Variants in H2BK1 observed in about 807,000 individuals in gnomAD.
H2BK1 encodes the protein H2B.K variant histone 1, also known as histone H2B type 2-K1.
chr7:151,209,848 CATA>C, the H2BK1 span, among the ~76,000 whole-genome samples: 5 of 152,326 alleles, frequency 3.3e-5, no homozygotes, highest in East Asian at 1.9e-4. Context: ...CACTTTGTAT[CATA>C]ATGTGTTTGG....
At chr7:151,210,022 G>C in the H2BK1 span, among the ~76,000 whole-genome samples, 4 of 152,178 alleles carry the variant, frequency 2.6e-5, no homozygotes, top group Admixed American at 2.6e-4. Flanking sequence ...CCTGAGAGAG[G>C]TGGAGACCTC....
At chr7:151,209,829 T>C in the H2BK1 span, among the ~76,000 whole-genome samples, 3 of 152,232 alleles carry the variant, frequency 2.0e-5, no homozygotes, top group African/African-American at 7.2e-5. Flanking sequence ...CTCTTCTCGG[T>C]CACCAACACA....
chr7:151,210,438 G>A, the H2BK1 span: 1 of 394,038 alleles, frequency 2.5e-6, no homozygotes, highest in Non-Finnish European at 4.5e-6. Context: ...GCAGGTGGGA[G>A]GTAAGGGGCG....
chr7:151,208,078 C>G, the H2BK1 span: 3 of 1,614,070 alleles, frequency 1.9e-6, no homozygotes, highest in Non-Finnish European at 2.5e-6. Context: ...TGCTCATGGC[C>G]TTGGCAGAGA....
At chr7:151,208,141 A>G in the H2BK1 span, 24 of 1,323,598 alleles carry the variant, frequency 1.8e-5, no homozygotes, top group Non-Finnish European at 2.0e-5. Flanking sequence ...GGTTAATGGA[A>G]GGGGCCAGGG....
the H2BK1 span, chr7:151,208,159 G>C: frequency 4.4e-6 from 7 of 1,577,852 alleles, no homozygotes; most frequent in Non-Finnish European, 6.1e-6. Flanking sequence ...GGGGAGGGGG[G>C]GTCCTGCCTA....
At chr7:151,210,481 C>G in the H2BK1 span, 1 of 393,968 alleles carries the variant, frequency 2.5e-6, no homozygotes, top group East Asian at 3.6e-5. Flanking sequence ...ATGCTCTGGG[C>G]TAACCTTGAA....
the H2BK1 span, chr7:151,210,434 G>T: frequency 2.6e-6 from 1 of 389,158 alleles, no homozygotes; most frequent in Non-Finnish European, 4.5e-6. Flanking sequence ...GGGGGCAGGT[G>T]GGAGGTAAGG....
chr7:151,208,252 G>A, the H2BK1 span: 2 of 696,144 alleles, frequency 2.9e-6, no homozygotes, highest in East Asian at 5.4e-5. Flanking sequence ...CCCCTTCCCA[G>A]AGGCCAACAG....
chr7:151,210,411 TG>T, the H2BK1 span: 14 of 113,652 alleles, frequency 1.2e-4, 1 homozygote, highest in Admixed American at 2.2e-3. Flanking sequence ...GACATGCACC[TG>T]GGAGGGGGGG....
At chr7:151,208,668 A>G in the H2BK1 span, among the ~76,000 whole-genome samples, 7 of 152,176 alleles carry the variant, frequency 4.6e-5, no homozygotes, top group African/African-American at 1.7e-4. Flanking sequence ...GCACATAACC[A>G]GTGAGCCTGT....
chr7:151,209,046 C>T, the H2BK1 span, among the ~76,000 whole-genome samples: 1 of 148,904 alleles, frequency 6.7e-6, no homozygotes, highest in African/African-American at 2.5e-5. Flanking sequence ...CTGCCCAAAC[C>T]CCCTCTGCTG....
the H2BK1 span, chr7:151,210,145 T>C: frequency 2.5e-6 from 1 of 398,294 alleles, no homozygotes; most frequent in Admixed American, 4.4e-5. Context: ...TCAAGGCGCT[T>C]TGTGAGGGCA....
chr7:151,210,224 T>C, the H2BK1 span: 1 of 399,212 alleles, frequency 2.5e-6, no homozygotes, highest in Non-Finnish European at 4.4e-6. Flanking sequence ...GGAGTAGGAC[T>C]CCTTGCGCCG....
the H2BK1 span, among the ~76,000 whole-genome samples, chr7:151,208,337 G>A: frequency 1.3e-5 from 2 of 152,340 alleles, no homozygotes; most frequent in Non-Finnish European, 2.9e-5. Context: ...GTTTTCAACT[G>A]CAGGAGGTAA....
chr7:151,208,154 G>A, the H2BK1 span: 1 of 1,582,382 alleles, frequency 6.3e-7, no homozygotes, highest in South Asian at 1.1e-5. Context: ...GGCCAGGGGA[G>A]GGGGGGTCCT....
chr7:151,209,187 C>T, the H2BK1 span, among the ~76,000 whole-genome samples: 5 of 152,002 alleles, frequency 3.3e-5, no homozygotes, highest in South Asian at 2.1e-4. Flanking sequence ...CCCTCAAAGT[C>T]GGGCTAAGAC....
the H2BK1 span, chr7:151,207,998 G>C: frequency 7.7e-6 from 12 of 1,553,482 alleles, no homozygotes; most frequent in South Asian, 1.2e-4. Context: ...GGTCCGGCCC[G>C]AGTACTGGGC....
chr7:151,209,068 C>T, the H2BK1 span, among the ~76,000 whole-genome samples: 10 of 152,058 alleles, frequency 6.6e-5, no homozygotes, highest in East Asian at 1.5e-3. Flanking sequence ...CAGCACACCC[C>T]GTTCTCCTTA....
Sources: allele counts gnomAD v4.1 joint callset (sites outside exome capture counted in the v4.1 genomes callset), GRCh38; gene constraint gnomAD v4.1.1; transcripts MANE v1.5; gene names NCBI Gene and HGNC (gene_info 2026-07-23, HGNC 2026-07-21).